ENTREP2: variants seen among roughly 807,000 people sequenced by gnomAD.
ENTREP2 encodes endosomal transmembrane epsin interactor 2, also known as protein ENTREP2.
chr15:29,660,045 G>A, the ENTREP2 span, among the ~76,000 whole-genome samples: 2 of 152,146 alleles, frequency 1.3e-5, no homozygotes, highest in East Asian at 1.9e-4. Context: ...CAAGCAATCC[G>A]CCTGCCTTGG....
chr15:29,642,171 A>G, the ENTREP2 span, among the ~76,000 whole-genome samples: 1 of 152,134 alleles, frequency 6.6e-6, no homozygotes, highest in Non-Finnish European at 1.5e-5. Context: ...CCAAAATAGT[A>G]AAAAAGAAAA....
At chr15:29,408,635 G>T in the ENTREP2 span, among the ~76,000 whole-genome samples, 258 of 152,146 alleles carry the variant, frequency 1.7e-3, 2 homozygotes, top group African/African-American at 6.1e-3. Context: ...ATATTCTCTG[G>T]CTGACCCTCT....
chr15:29,399,755 G>A, the ENTREP2 span, among the ~76,000 whole-genome samples: 2 of 152,184 alleles, frequency 1.3e-5, no homozygotes, highest in Non-Finnish European at 2.9e-5. Flanking sequence ...CATTTTGGAT[G>A]TCGTATGTAC....
the ENTREP2 span, among the ~76,000 whole-genome samples, chr15:29,362,981 G>A: frequency 2.6e-5 from 4 of 152,144 alleles, no homozygotes; most frequent in South Asian, 6.2e-4. Context: ...TAAAAGAAGC[G>A]TATTAGTCCA....
At chr15:29,177,078 C>A in the ENTREP2 span, among the ~76,000 whole-genome samples, 1 of 152,166 alleles carries the variant, frequency 6.6e-6, no homozygotes. Context: ...GAGGGACGCC[C>A]AGCTCTCCAC....
the ENTREP2 span, among the ~76,000 whole-genome samples, chr15:29,652,949 G>A: frequency 1.3e-5 from 2 of 152,176 alleles, no homozygotes; most frequent in Non-Finnish European, 2.9e-5. Flanking sequence ...ACCAACCACA[G>A]AGGTTTCTGG....
chr15:29,403,091 G>A, the ENTREP2 span, among the ~76,000 whole-genome samples: 3 of 152,156 alleles, frequency 2.0e-5, no homozygotes, highest in East Asian at 1.9e-4. Flanking sequence ...GCACAGTGAC[G>A]GGGTCCAAGG....
the ENTREP2 span, among the ~76,000 whole-genome samples, chr15:29,274,438 G>A: frequency 7.6e-6 from 1 of 132,218 alleles, no homozygotes; most frequent in African/African-American, 2.5e-5. Flanking sequence ...CATAGACATG[G>A]TGTCCTTGAA....
At chr15:29,644,529 G>A in the ENTREP2 span, among the ~76,000 whole-genome samples, 5 of 152,300 alleles carry the variant, frequency 3.3e-5, no homozygotes, top group East Asian at 1.9e-4. Context: ...CTGGCCGGGC[G>A]CGGTGGCCCA....
chr15:29,626,463 T>C, the ENTREP2 span, among the ~76,000 whole-genome samples: 2 of 152,320 alleles, frequency 1.3e-5, no homozygotes, highest in African/African-American at 4.8e-5. Context: ...ATTTGCCTTC[T>C]GCCACAATTG....
the ENTREP2 span, among the ~76,000 whole-genome samples, chr15:29,210,082 C>T: frequency 6.6e-6 from 1 of 152,146 alleles, no homozygotes; most frequent in Non-Finnish European, 1.5e-5. Context: ...CTAGCTAATT[C>T]CTTCAGATAA....
chr15:29,570,986 C>G, the ENTREP2 span, among the ~76,000 whole-genome samples: 9 of 145,448 alleles, frequency 6.2e-5, no homozygotes, highest in African/African-American at 2.0e-4. Context: ...CCCTCCCCCG[C>G]CCGCCCCGCG....
chr15:29,666,969 G>A, the ENTREP2 span, among the ~76,000 whole-genome samples: 362 of 152,114 alleles, frequency 2.4e-3, 2 homozygotes, highest in African/African-American at 8.4e-3. Flanking sequence ...GTTTATAGAC[G>A]CGTCATTCCA....
chr15:29,479,859 T>C, the ENTREP2 span, among the ~76,000 whole-genome samples: 4 of 152,264 alleles, frequency 2.6e-5, no homozygotes, highest in East Asian at 5.8e-4. Context: ...TTGTAGCAGC[T>C]GCTTGAGGCC....
chr15:29,492,420 T>C, the ENTREP2 span, among the ~76,000 whole-genome samples: 2 of 152,214 alleles, frequency 1.3e-5, no homozygotes, highest in Non-Finnish European at 2.9e-5. Flanking sequence ...TATCATGTGA[T>C]TTCCATGTGT....
the ENTREP2 span, among the ~76,000 whole-genome samples, chr15:29,625,551 A>G: frequency 6.6e-6 from 1 of 151,944 alleles, no homozygotes; most frequent in African/African-American, 2.4e-5. Context: ...ACTTGCCACC[A>G]CACCTGGCTA....
the ENTREP2 span, among the ~76,000 whole-genome samples, chr15:29,490,213 C>T: frequency 6.6e-6 from 1 of 151,874 alleles, no homozygotes; most frequent in East Asian, 2.0e-4. Flanking sequence ...TTGTGGTGTT[C>T]GGACATGTTG....
the ENTREP2 span, among the ~76,000 whole-genome samples, chr15:29,450,276 G>A: frequency 2.0e-4 from 30 of 152,146 alleles, no homozygotes; most frequent in African/African-American, 7.2e-4. Context: ...TTTTGCTTTT[G>A]GTGGTGTTGT....
chr15:29,142,869 C>CA, the ENTREP2 span, among the ~76,000 whole-genome samples: 2,227 of 147,844 alleles, frequency 0.015, 61 homozygotes, highest in African/African-American at 0.05. Flanking sequence ...CATTTAAAAA[C>CA]AAAAAAAAAA....
Sources: gnomAD v4.1 joint callset for allele counts (sites outside exome capture counted in the v4.1 genomes callset) on GRCh38, gnomAD v4.1.1 for gene constraint, MANE v1.5 for transcripts, NCBI Gene and HGNC (gene_info 2026-07-23, HGNC 2026-07-21) for gene names.